PXK: variants seen among roughly 807,000 people sequenced by gnomAD.
PXK encodes PX domain-containing protein kinase-like protein.
PXK carries 35 observed loss-of-function variants against 84.7 expected under a neutral mutation model. That is an observed-to-expected ratio of 0.41 (90% confidence interval 0.32 to 0.55). The LOEUF is 0.55. PXK is among the 20% of genes least tolerant of loss of function. The pLI, the probability that PXK is intolerant of heterozygous loss-of-function variation, is 0.21. For synonymous variants in PXK, 253 were observed against 260.8 expected, an observed-to-expected ratio of 0.97 and a Z score of 0.29; for missense variants, 634 against 699.7, an observed-to-expected ratio of 0.91 and a Z score of 1.06.
At chr3:58,371,197 C>A (rs1047780199) in intron 3 of PXK, among the ~76,000 whole-genome samples, 1 of 152,122 alleles carries the variant, frequency 6.6e-6, no homozygotes, top group African/African-American at 2.4e-5. Flanking sequence ...TTTAGTATGA[C>A]CCATTTGAGT....
chr3:58,421,669 C>G lies in PXK; in HGVS notation c.1529-3083C>G. On this transcript the variant is annotated intron_variant, in intron 17 of 17. Transcript: ENST00000356151. The surrounding 1 kb of genome is among the most constrained non-coding windows in gnomAD (Gnocchi z 5.5). ...TCTGGCCTGGCATTCCTCCCTAGAT[C>G]TGACCTACGCTCTCCCTGCAGCATT... 1.0e-6 allele frequency: 1 copy of G among 988,206 alleles called. No homozygotes were observed. The highest frequency in any genetic ancestry group is 1.2e-6 in the Non-Finnish European group (1 of 830,256). 61.2% of individuals were successfully genotyped at this position (988,206 alleles called of 1,614,324 possible).
chr3:58,365,793 T>A, intron 1 of PXK, 81 bp from the exon 2 acceptor site: 1 of 1,217,702 alleles, frequency 8.2e-7, no homozygotes, highest in Non-Finnish European at 1.1e-6. Context: ...ATCTGATTTT[T>A]TAAAACTTAT....
At position 58,425,237 on chromosome 3, in the gene PXK, T is replaced by C; in HGVS notation, c.*277T>C. On this transcript the variant is annotated 3_prime_UTR_variant, in exon 18 of 18. Transcript: ENST00000356151. ...TGGCCAGGCTTTTGGGACAGCAGCA[T>C]ATTGAAATATTTTCACCAACTAAAG... 1 of 375,200 alleles carries C rather than the reference T, an allele frequency of 2.7e-6. No individual in the cohort carries two copies. The highest frequency in any genetic ancestry group is 4.9e-6 in the Non-Finnish European group (1 of 202,932). The allele number at this position is 375,200 out of a possible 1,614,324, so 23.2% of individuals were successfully genotyped here. A position where few individuals can be genotyped will look rare whatever the true frequency, so the allele number is the denominator to read the frequency against.
rs1403595780 is a variant in PXK, at chr3:58,385,540, C to G, written c.388+2840C>G. The stretch of plus-strand genomic sequence containing the variant: ...TTGAGCAAGGGTCTCACTCTGTTGC[C>G]CAGGCTGGAGCGCAGTGGCACTATC... On this transcript the variant is annotated intron_variant, in intron 4 of 17. Transcript: ENST00000356151. This position sits in a 1 kb window ranked among gnomAD's most constrained non-coding sequence, Gnocchi z 5.1. Among the ~76,000 whole-genome samples, 1 of 152,188 alleles carries G rather than the reference C, an allele frequency of 6.6e-6. No homozygotes were observed. Among genetic ancestry groups the G allele is most frequent in the Non-Finnish European group, 1.5e-5 (1 of 68,034 alleles).
chr3:58,420,660 T>G, intron 17 of PXK: 1 of 1,526,322 alleles, frequency 6.6e-7, no homozygotes. Flanking sequence ...GCTGAAGTGA[T>G]GAACAAGTGG....
intron 1 of PXK, among the ~76,000 whole-genome samples, chr3:58,336,071 A>ATATATATATATAT (rs1284780630): frequency 9.1e-4 from 47 of 51,556 alleles, no homozygotes; most frequent in Non-Finnish European, 1.1e-3. Flanking sequence ...ATATATATAT[A>ATATATATATATAT]TTTTTTTTTT....
Position 58,421,800 on chromosome 3 carries a change from T to C in PXK, c.1529-2952T>C. 1 of 985,400 alleles carries C rather than the reference T, an allele frequency of 1.0e-6. No homozygotes were observed. Among genetic ancestry groups the C allele is most frequent in the Non-Finnish European group, 1.2e-6 (1 of 829,934 alleles). The allele number at this position is 985,400 out of a possible 1,614,324, so 61.0% of individuals were successfully genotyped here. A position where few individuals can be genotyped will look rare whatever the true frequency, so the allele number is the denominator to read the frequency against. On this transcript the variant is annotated intron_variant, in intron 17 of 17. Transcript: ENST00000356151. This position sits in a 1 kb window ranked among gnomAD's most constrained non-coding sequence, Gnocchi z 5.5. ...AAGTAGTTGGCTCTCAGGGATTTTGTCTAAGAGAAAGTGAGATGGGAGAAA... is the reference window on the plus strand; with the variant it reads ...AAGTAGTTGGCTCTCAGGGATTTTGCCTAAGAGAAAGTGAGATGGGAGAAA...
intron 2 of PXK, among the ~76,000 whole-genome samples, chr3:58,368,523 C>T (rs1464005722): frequency 6.6e-6 from 1 of 150,916 alleles, no homozygotes; most frequent in Admixed American, 6.6e-5. Context: ...GGTTTCGCCA[C>T]ATTGGCCAGG....
intron 17 of PXK, chr3:58,422,520 A>G (rs12490706): frequency 0.24 from 238,819 of 985,074 alleles, 32,085 homozygotes; most frequent in East Asian, 0.81. Context: ...CACCACCTAC[A>G]TTTTCAAAGA....
chr3:58,413,324 C>G (rs2060485454), intron 17 of PXK: 2 of 273,546 alleles, frequency 7.3e-6, no homozygotes, highest in African/African-American at 2.2e-5. Flanking sequence ...TGCCAGGCCT[C>G]TCTCCTCAGG....
In PXK at chr3:58,397,872, T is replaced by C; in HGVS notation, c.1102+150T>C. 1.6e-6 allele frequency: 1 copy of C among 634,906 alleles called. No individual in the cohort carries two copies. The highest frequency in any genetic ancestry group is 2.7e-6 in the Non-Finnish European group (1 of 365,440). The allele number at this position is 634,906 out of a possible 1,614,324, so 39.3% of individuals were successfully genotyped here. A position where few individuals can be genotyped will look rare whatever the true frequency, so the allele number is the denominator to read the frequency against. ...AATTTAAAAGTAGACCAAATTTGAGTAGTTTACTTAAATACACTTCTGTGA... is the reference window on the plus strand; with the variant it reads ...AATTTAAAAGTAGACCAAATTTGAGCAGTTTACTTAAATACACTTCTGTGA... On this transcript the variant is annotated intron_variant, in intron 11 of 17. Coordinates refer to ENST00000356151, the MANE Select transcript of PXK (RefSeq NM_017771.5). This position sits in a 1 kb window ranked among gnomAD's most constrained non-coding sequence, Gnocchi z 4.7.
chr3:58,420,635 C>G, intron 17 of PXK: 1 of 1,534,066 alleles, frequency 6.5e-7, no homozygotes, highest in Non-Finnish European at 8.7e-7. Context: ...AAATAGGACC[C>G]AAAGTGTCTC....
chr3:58,361,910 G>A (rs1284563476), intron 1 of PXK, among the ~76,000 whole-genome samples: 2 of 152,176 alleles, frequency 1.3e-5, no homozygotes, highest in African/African-American at 4.8e-5. Flanking sequence ...AGTTTTTAAA[G>A]AAACTTCCAA....
Position 58,379,391 on chromosome 3 carries a change from ACT to A in PXK, c.202-3118_202-3117del, listed in dbSNP as rs2098476744. Reference sequence around the variant, plus strand: ...TCTTCCTGTGGATATGTTTTGTAGGACTCTCTGCTTTTTCTAAATTTCACTAC... The same window carrying A: ...TCTTCCTGTGGATATGTTTTGTAGGACTCTGCTTTTTCTAAATTTCACTAC... On this transcript the variant is annotated intron_variant, in intron 3 of 17. Transcript: ENST00000356151. The surrounding 1 kb of genome is among the most constrained non-coding windows in gnomAD (Gnocchi z 5.1). The A allele has an allele frequency of 1.3e-5, 2 of 152,844 alleles. No homozygotes were observed. Among genetic ancestry groups the A allele is most frequent in the Admixed American group, 6.6e-5 (1 of 15,214 alleles). The allele number at this position is 152,844 out of a possible 1,614,324, so 9.5% of individuals were successfully genotyped here. A position where few individuals can be genotyped will look rare whatever the true frequency, so the allele number is the denominator to read the frequency against.
chr3:58,410,203 A>C, intron 16 of PXK, 44 bp downstream of exon 16: 1 of 1,419,582 alleles, frequency 7.0e-7, no homozygotes, highest in Non-Finnish European at 9.9e-7. Context: ...CACAGAGATC[A>C]GGATCAGGAG....
chr3:58,365,111 A>T lies in PXK; in HGVS notation c.103-763A>T, dbSNP rs1490493112. Among the ~76,000 whole-genome samples, 5 of 151,358 alleles carry T rather than the reference A, an allele frequency of 3.3e-5. No individual in the cohort carries two copies. The East Asian group carries it at 9.7e-4, about 29-fold the overall frequency. ...TCTTGAGGTGAAGTTTAGGTTATTGATTTGATAGTTTTTCTCTTTTCTAAT... is the reference window on the plus strand; with the variant it reads ...TCTTGAGGTGAAGTTTAGGTTATTGTTTTGATAGTTTTTCTCTTTTCTAAT... On this transcript the variant is annotated intron_variant, in intron 1 of 17. Transcript: ENST00000356151.
At chr3:58,345,999 T>C (rs188039030) in intron 1 of PXK, among the ~76,000 whole-genome samples, 127 of 152,336 alleles carry the variant, frequency 8.3e-4, no homozygotes, top group African/African-American at 2.9e-3. Context: ...AGTTCATTAG[T>C]TCATTCAGCA....
chr3:58,386,206 C>T (rs1198529465), intron 4 of PXK, among the ~76,000 whole-genome samples: 2 of 151,404 alleles, frequency 1.3e-5, no homozygotes, highest in Non-Finnish European at 2.9e-5. Context: ...TAATTGAGGG[C>T]CAGCTGTTGT....
chr3:58,343,596 C>T lies in PXK; in HGVS notation c.102+10506C>T, dbSNP rs1345152574. ...GAGGGTCTGTGCATAGAAGACACAC[C>T]TCTGCTTCTTCCCACTCTGTAGATG... On this transcript the variant is annotated intron_variant, in intron 1 of 17. Transcript: ENST00000356151. Among the ~76,000 whole-genome samples, 6 of 152,236 alleles carry T rather than the reference C, an allele frequency of 3.9e-5. No homozygotes were observed. The East Asian group carries it at 1.2e-3, about 29-fold the overall frequency.
Sources: gnomAD v4.1 joint callset for allele counts (sites outside exome capture counted in the v4.1 genomes callset) on GRCh38, gnomAD v4.1.1 for gene constraint, Gnocchi (gnomAD v3.1) non-coding constraint, MANE v1.5 for transcripts, NCBI Gene and HGNC (gene_info 2026-07-23, HGNC 2026-07-21) for gene names.